Variants in DYNC1H1 observed in about 807,000 individuals in gnomAD.
DYNC1H1 encodes dynein cytoplasmic 1 heavy chain 1.
In DYNC1H1, 51 loss-of-function variants were observed where a neutral mutation model predicts 527.1. The ratio of observed to expected loss-of-function variants is 0.10; its 90% confidence interval spans 0.08 to 0.12. The LOEUF is 0.12. DYNC1H1 is among the 10% of genes least tolerant of loss of function. The pLI is 1.00. For synonymous variants in DYNC1H1, 2,189 were observed against 2,278.8 expected (o/e 0.96, Z 1.12); for missense variants, 2,771 against 5,971.8 (o/e 0.46, Z 17.66).
At chr14:102,008,913 T>C (rs1189831272) in intron 29 of DYNC1H1, among the ~76,000 whole-genome samples, 1 of 152,242 alleles carries the variant, frequency 6.6e-6, no homozygotes, top group Non-Finnish European at 1.5e-5. Context: ...GCCAGCCAGA[T>C]GCCCCCGTGC....
chr14:101,973,967 A>G (rs1389495432), intron 1 of DYNC1H1, among the ~76,000 whole-genome samples: 1 of 152,178 alleles, frequency 6.6e-6, no homozygotes, highest in Non-Finnish European at 1.5e-5. Flanking sequence ...TCAATATTCT[A>G]CTGCCTGCTC....
chr14:102,050,697 T>C lies in DYNC1H1; in HGVS notation c.*134T>C. ...AGGTTGGAGGAAGCTGAATGGAATC[T>C]GACGGTTGGGAGTGGTGGAAATTGG... On this transcript the variant is annotated 3_prime_UTR_variant, in exon 78 of 78. Transcript: ENST00000360184. 1 of 1,434,174 alleles carries C rather than the reference T, an allele frequency of 7.0e-7. No homozygotes were observed. 88.8% of individuals were successfully genotyped at this position (1,434,174 alleles called of 1,614,324 possible).
Position 102,017,129 on chromosome 14 carries a change from G to C in DYNC1H1, c.7890G>C (p.Leu2630=). 1 of 1,614,264 alleles carries C rather than the reference G, an allele frequency of 6.2e-7. No homozygotes were observed. Residue 2630 remains leucine, a synonymous_variant, in exon 39 of 78, where the codon CTG becomes CTC. Coordinates refer to ENST00000360184, the MANE Select transcript of DYNC1H1 (RefSeq NM_001376.5). The surrounding 1 kb of genome is among the most constrained non-coding windows in gnomAD (Gnocchi z 4.6). ...LNFSSATTPE[L]LLKTFDHYCE... is the part of the protein sequence containing the mutation. ...TCTCCAGTGCTACTACTCCAGAGCT[G>C]CTTCTGAAGACTTTTGATCACTACT... is the stretch of plus-strand genomic sequence containing the variant.
At chr14:102,023,783 A>G (rs894433429) in intron 43 of DYNC1H1, 1 of 152,396 alleles carries the variant, frequency 6.6e-6, no homozygotes, top group Non-Finnish European at 1.5e-5. Context: ...CAGAGGTTGC[A>G]GTGAGCCAAG....
In DYNC1H1 at chr14:102,016,462, G is replaced by T; in HGVS notation, c.7587G>T (p.Ala2529=). Reference sequence around the variant, plus strand: ...TCACGACCGTGCCTCTGCCCACTGCGCCCAACATACCCATTATCGATTATG... The same window carrying T: ...TCACGACCGTGCCTCTGCCCACTGCTCCCAACATACCCATTATCGATTATG... ...RRITTVPLPT[A]PNIPIIDYEV... Residue 2529 remains alanine (A), a synonymous_variant, in exon 37 of 78, where the codon GCG becomes GCT. Coordinates refer to ENST00000360184, the MANE Select transcript of DYNC1H1 (RefSeq NM_001376.5). This position sits in a 1 kb window ranked among gnomAD's most constrained non-coding sequence, Gnocchi z 7.3. The T allele has an allele frequency of 3.1e-6, 5 of 1,614,072 alleles. No homozygotes were observed. Among genetic ancestry groups the T allele is most frequent in the Non-Finnish European group, 4.2e-6 (5 of 1,180,020 alleles).
rs1595632297 is a variant in DYNC1H1, at chr14:102,042,820, G to C, written c.12513+72G>C. On this transcript the variant is annotated intron_variant, in intron 69 of 77. Coordinates refer to ENST00000360184, the MANE Select transcript of DYNC1H1 (RefSeq NM_001376.5). This position sits in a 1 kb window ranked among gnomAD's most constrained non-coding sequence, Gnocchi z 5.7. ...CCCAGTCCCATCACCAAATGCAGAAGTGGGTCCCTGGGCCCCCGGAAGTGC... is the reference window on the plus strand; with the variant it reads ...CCCAGTCCCATCACCAAATGCAGAACTGGGTCCCTGGGCCCCCGGAAGTGC... 2.6e-6 allele frequency: 4 copies of C among 1,554,868 alleles called. No homozygotes were observed. The East Asian group carries it at 9.3e-5, about 36-fold the overall frequency.
intron 29 of DYNC1H1, among the ~76,000 whole-genome samples, chr14:102,008,643 C>T (rs1335050303): frequency 1.3e-5 from 2 of 152,086 alleles, no homozygotes; most frequent in Non-Finnish European, 2.9e-5. Context: ...AAAAATTAGC[C>T]TGACATGGTG....
In DYNC1H1 at chr14:102,044,270, C is replaced by A; in HGVS notation, c.12685-4C>A. ...ACACACGAACCCTGCTTTTCCTCCC[C>A]CAGGGCAGGCAGAACATCTCACCGG... On this transcript the variant is annotated splice_region_variant and splice_polypyrimidine_tract_variant and intron_variant, in intron 70 of 77. Coordinates refer to ENST00000360184, the MANE Select transcript of DYNC1H1 (RefSeq NM_001376.5). The surrounding 1 kb of genome is among the most constrained non-coding windows in gnomAD (Gnocchi z 7.1). The A allele has an allele frequency of 6.2e-7, 1 of 1,613,946 alleles. No individual in the cohort carries two copies. Among genetic ancestry groups the A allele is most frequent in the East Asian group, 2.2e-5 (1 of 44,882 alleles).
chr14:102,024,048 G>T (rs565821310), intron 43 of DYNC1H1, among the ~76,000 whole-genome samples: 1 of 152,188 alleles, frequency 6.6e-6, no homozygotes, highest in African/African-American at 2.4e-5. Flanking sequence ...GCTGGCTGCT[G>T]TTGGGGTTCT....
chr14:101,979,471 G>A lies in DYNC1H1; in HGVS notation c.497G>A (p.Arg166Lys). 6.2e-7 allele frequency: 1 copy of A among 1,614,098 alleles called. No individual in the cohort carries two copies. The highest frequency in any genetic ancestry group is 8.5e-7 in the Non-Finnish European group (1 of 1,180,030). Reference sequence around the variant, plus strand: ...GCTCCTTTTTTTAAGTCCTACATTAGAGAGTCTGGCAAGGCAGACAGGTAA... The same window carrying A: ...GCTCCTTTTTTTAAGTCCTACATTAAAGAGTCTGGCAAGGCAGACAGGTAA... The part of the protein sequence containing the change: ...AVAPFFKSYI[R>K]ESGKADRDGD... Residue 166 changes from arginine (R) to lysine (K), a missense_variant, in exon 3 of 78, where the codon AGA (arginine) becomes AAA (lysine). Arg to Lys is a conservative substitution (Grantham distance 26). Coordinates refer to ENST00000360184, the MANE Select transcript of DYNC1H1 (RefSeq NM_001376.5). The surrounding 1 kb of genome is among the most constrained non-coding windows in gnomAD (Gnocchi z 4.6).
rs2048654216 is a variant in DYNC1H1 at position 102,041,805 on chromosome 14, G to A, written c.12102+71G>A. ...ACCTCCCCAGCCACAGGTGGCAGCAGCCCTGGCATCTGCTCTCACTCCGGG... is the reference window on the plus strand; with the variant it reads ...ACCTCCCCAGCCACAGGTGGCAGCAACCCTGGCATCTGCTCTCACTCCGGG... On this transcript the variant is annotated intron_variant, in intron 65 of 77. Transcript: ENST00000360184. This position sits in a 1 kb window ranked among gnomAD's most constrained non-coding sequence, Gnocchi z 4.5. The A allele has an allele frequency of 6.2e-7, 1 of 1,608,558 alleles. No homozygotes were observed. The highest frequency in any genetic ancestry group is 8.5e-7 in the Non-Finnish European group (1 of 1,178,004).
In DYNC1H1 at chr14:101,968,532, C is replaced by T. The variant is rs567395619; in HGVS notation, c.256+3585C>T. On this transcript the variant is annotated intron_variant, in intron 1 of 77. Transcript: ENST00000360184. Reference sequence around the variant, plus strand: ...TACAGGTGTGAGCTACCACACCCCACGTGTTTGTTTGTTTAACACTCCAGT... The same window carrying T: ...TACAGGTGTGAGCTACCACACCCCATGTGTTTGTTTGTTTAACACTCCAGT... Among the ~76,000 whole-genome samples, 4 of 151,702 alleles carry T rather than the reference C, an allele frequency of 2.6e-5. No homozygotes were observed. In the South Asian group the frequency reaches 6.3e-4, roughly 24 times the overall value.
Position 102,005,507 on chromosome 14 carries a change from G to T in DYNC1H1, c.5433+271G>T, listed in dbSNP as rs1366672287. Among the ~76,000 whole-genome samples, 1 of 152,204 alleles carries T rather than the reference G, an allele frequency of 6.6e-6. No homozygotes were observed. The highest frequency in any genetic ancestry group is 2.4e-5 in the African/African-American group (1 of 41,444). ...TGCTCTTTCCTGTCATCTCCCCAGAGAGGTGGCCACAGCAGTGCTAAGCTG... is the reference window on the plus strand; with the variant it reads ...TGCTCTTTCCTGTCATCTCCCCAGATAGGTGGCCACAGCAGTGCTAAGCTG... On this transcript the variant is annotated intron_variant, in intron 26 of 77. Coordinates refer to ENST00000360184, the MANE Select transcript of DYNC1H1 (RefSeq NM_001376.5). This position sits in a 1 kb window ranked among gnomAD's most constrained non-coding sequence, Gnocchi z 4.0.
Position 102,017,845 on chromosome 14 carries a change from G to T in DYNC1H1, c.8177+341G>T. The stretch of plus-strand genomic sequence containing the variant: ...ATTAAGGCCGGGCGTGGTGGCTTAC[G>T]CCTGTAATCCCAGCACTTTGGGAGG... On this transcript the variant is annotated intron_variant, in intron 40 of 77. Transcript: ENST00000360184. The surrounding 1 kb of genome is among the most constrained non-coding windows in gnomAD (Gnocchi z 4.6). The T allele has an allele frequency of 2.8e-6, 1 of 362,376 alleles. No homozygotes were observed. Among genetic ancestry groups the T allele is most frequent in the South Asian group, 2.2e-5 (1 of 44,514 alleles). The allele number at this position is 362,376 out of a possible 1,614,324, so 22.4% of individuals were successfully genotyped here.
At position 102,004,867 on chromosome 14, in the gene DYNC1H1, G is replaced by C. The variant is rs1555409562; in HGVS notation, c.5155G>C (p.Glu1719Gln). The C allele has an allele frequency of 1.9e-6, 3 of 1,614,244 alleles. No individual in the cohort carries two copies. The highest frequency in any genetic ancestry group is 2.5e-6 in the Non-Finnish European group (3 of 1,180,046). ...MRVTLAKLLA[E>Q]SVTEVEIFGK... ...AGTCACCCTGGCCAAACTGCTTGCTGAGTCTGTTACGGAAGTTGAGATTTT... is the reference window on the plus strand; with the variant it reads ...AGTCACCCTGGCCAAACTGCTTGCTCAGTCTGTTACGGAAGTTGAGATTTT... Residue 1719 changes from glutamate (E) to glutamine (Q), a missense_variant, in exon 25 of 78, where the codon GAG (glutamate) becomes CAG (glutamine). Transcript: ENST00000360184.
At chr14:101,998,246 C>T (rs1005754952) in intron 16 of DYNC1H1, among the ~76,000 whole-genome samples, 6 of 145,676 alleles carry the variant, frequency 4.1e-5, no homozygotes, top group African/African-American at 1.0e-4. Context: ...ATAATACAAA[C>T]GCCTGGACCC....
At chr14:102,046,742 A>C (rs2048724852) in intron 72 of DYNC1H1, among the ~76,000 whole-genome samples, 1 of 151,558 alleles carries the variant, frequency 6.6e-6, no homozygotes, top group Non-Finnish European at 1.5e-5. Flanking sequence ...CAGTGAACCC[A>C]AACCCAGGGT....
At chr14:101,990,735 G>A (rs1451123967) in intron 10 of DYNC1H1, among the ~76,000 whole-genome samples, 2 of 151,952 alleles carry the variant, frequency 1.3e-5, no homozygotes, top group African/African-American at 4.8e-5. Flanking sequence ...ATTAGGCCGG[G>A]CGCGGTGGCT....
At chr14:102,019,592 A>T (rs1324433938) in intron 41 of DYNC1H1, among the ~76,000 whole-genome samples, 1 of 152,232 alleles carries the variant, frequency 6.6e-6, no homozygotes, top group Non-Finnish European at 1.5e-5. Context: ...TTATTTATCC[A>T]ATTGTTCCAA....
Sources: gnomAD v4.1 joint callset for allele counts (sites outside exome capture counted in the v4.1 genomes callset) on GRCh38, gnomAD v4.1.1 for gene constraint, Gnocchi (gnomAD v3.1) non-coding constraint, MANE v1.5 for transcripts, NCBI Gene and HGNC (gene_info 2026-07-23, HGNC 2026-07-21) for gene names.